PCDHA8: variants seen among roughly 807,000 people sequenced by gnomAD.
PCDHA8 encodes protocadherin alpha-8.
PCDHA8 carries 53 observed loss-of-function variants against 61.8 expected under a neutral mutation model. That is an observed-to-expected ratio of 0.86 (90% CI 0.69 to 1.08). The LOEUF (loss-of-function observed/expected upper bound fraction) is 1.08. PCDHA8 is among the 50% of genes least tolerant of loss of function. The pLI is 0.00. For missense variants in PCDHA8, 1,293 were observed against 1,245.0 expected (o/e 1.04, Z -0.58); for synonymous variants, 618 against 556.6 (o/e 1.11, Z -1.55).
Position 140,871,175 on chromosome 5 carries a change from C to T in PCDHA8, c.2394+27460C>T, listed in dbSNP as rs782460096. ...GCGGGCGCCGCGAGCCCAGAGGCTG[C>T]GCTGGTGGATGTCAACGTGTACCTG... is the stretch of plus-strand genomic sequence containing the variant. On this transcript the variant is annotated intron_variant, in intron 1 of 3. Transcript: ENST00000531613. 8 of 1,613,402 alleles carry T rather than the reference C, an allele frequency of 5.0e-6. No individual in the cohort carries two copies. In the African/African-American group the frequency reaches 5.3e-5, roughly 11 times the overall value.
chr5:140,928,623 A>G (rs1554206072), intron 1 of PCDHA8: 1 of 1,614,210 alleles, frequency 6.2e-7, no homozygotes, highest in African/African-American at 1.3e-5. Flanking sequence ...CCAGGACTGG[A>G]CACTTGGTCA....
intron 1 of PCDHA8, chr5:140,928,982 G>T: frequency 6.2e-7 from 1 of 1,613,824 alleles, no homozygotes; most frequent in Non-Finnish European, 8.5e-7. Flanking sequence ...TTATTTCTGG[G>T]GTGCTTACTT....
intron 1 of PCDHA8, chr5:140,849,857 G>T (rs2150454251): frequency 1.9e-6 from 3 of 1,598,510 alleles, no homozygotes; most frequent in African/African-American, 2.7e-5. Context: ...ACGCACCAGC[G>T]TTCGCGCAGT....
chr5:140,927,099 T>C (rs782352775), intron 1 of PCDHA8: 1 of 1,613,434 alleles, frequency 6.2e-7, no homozygotes, highest in Non-Finnish European at 8.5e-7. Context: ...TCGGGGTGGA[T>C]CTACCCAGCG....
rs782727100 is a variant in PCDHA8, at chr5:140,877,121, C to G, written c.2394+33406C>G. 12 of 1,613,694 alleles carry G rather than the reference C, an allele frequency of 7.4e-6. No homozygotes were observed. In the South Asian group the frequency reaches 8.8e-5, roughly 12 times the overall value. ...GTGCCGCCTCTGGGCAGCAACGTGA[C>G]GCTGCAGGTGTTCGTGCTGGACGAG... is the stretch of plus-strand genomic sequence containing the variant. On this transcript the variant is annotated intron_variant, in intron 1 of 3. Coordinates refer to ENST00000531613, the MANE Select transcript of PCDHA8 (RefSeq NM_018911.3).
chr5:140,934,925 A>G (rs2090105619), intron 1 of PCDHA8, among the ~76,000 whole-genome samples: 1 of 152,196 alleles, frequency 6.6e-6, no homozygotes, highest in African/African-American at 2.4e-5. Context: ...ATTCACATAA[A>G]GTTACAAAAC....
chr5:140,996,217 T>C (rs2097717491), intron 3 of PCDHA8, among the ~76,000 whole-genome samples: 1 of 152,192 alleles, frequency 6.6e-6, no homozygotes, highest in South Asian at 2.1e-4. Context: ...TCACTACTTG[T>C]CTAGAAATGG....
At chr5:140,850,745 C>G in intron 1 of PCDHA8, 1 of 1,597,954 alleles carries the variant, frequency 6.3e-7, no homozygotes, top group Non-Finnish European at 8.6e-7. Context: ...GTTGGTCGTA[C>G]TCGCAGCAGA....
At chr5:140,871,450 G>C (rs781785142) in intron 1 of PCDHA8, 1 of 1,608,836 alleles carries the variant, frequency 6.2e-7, no homozygotes, top group Non-Finnish European at 8.5e-7. Flanking sequence ...GAATAAAGAG[G>C]AGGAAGGGGA....
In PCDHA8 at chr5:140,996,798, A is replaced by G. The variant is rs528740592; in HGVS notation, c.2543-12829A>G. Among the ~76,000 whole-genome samples, 4 of 152,268 alleles carry G rather than the reference A, an allele frequency of 2.6e-5. No individual in the cohort carries two copies. In the East Asian group the frequency reaches 5.8e-4, roughly 22 times the overall value. ...AGTAGTGCCTCACTCCCTACATCCA[A>G]TCATGCTTTCCAAAAGTAACCACTA... On this transcript the variant is annotated intron_variant, in intron 3 of 3. Coordinates refer to ENST00000531613, the MANE Select transcript of PCDHA8 (RefSeq NM_018911.3).
chr5:140,905,980 G>A (rs2072263534), intron 1 of PCDHA8, among the ~76,000 whole-genome samples: 1 of 152,178 alleles, frequency 6.6e-6, no homozygotes, highest in Non-Finnish European at 1.5e-5. Context: ...CAGCATGGGA[G>A]AAAGATGTAG....
At chr5:140,883,202 G>T in intron 1 of PCDHA8, 1 of 1,613,916 alleles carries the variant, frequency 6.2e-7, no homozygotes, top group Non-Finnish European at 8.5e-7. Context: ...AGATTTCGAA[G>T]AAAAGAAATT....
At chr5:140,906,796 T>C (rs1021322398) in intron 1 of PCDHA8, among the ~76,000 whole-genome samples, 1 of 152,236 alleles carries the variant, frequency 6.6e-6, no homozygotes, top group African/African-American at 2.4e-5. Context: ...ATTCCATGCA[T>C]ACTCTTCCTT....
rs140457638 is a variant in PCDHA8, at chr5:140,883,730, G to T, written c.2394+40015G>T. On this transcript the variant is annotated intron_variant, in intron 1 of 3. Coordinates refer to ENST00000531613, the MANE Select transcript of PCDHA8 (RefSeq NM_018911.3). ...TCAGGACGCGGACGCACAGGAGAAC[G>T]CGCTGGTCTCCTACTCGCTGGTGGA... 4.3e-6 allele frequency: 7 copies of T among 1,613,530 alleles called. No homozygotes were observed. The East Asian group carries it at 1.6e-4, about 36-fold the overall frequency.
At position 140,915,626 on chromosome 5, in the gene PCDHA8, G is replaced by GTCTCTCTCTC. The variant is rs57920489; in HGVS notation, c.2395-63302_2395-63293dup. 2.5e-3 allele frequency among the ~76,000 whole-genome samples: 366 copies of GTCTCTCTCTC among 146,512 alleles called. 2 individuals carry two copies. Among genetic ancestry groups the GTCTCTCTCTC allele is most frequent in the South Asian group, 3.6e-3 (16 of 4,500 alleles). ...ACTTTCTGTCAAACAGTCTCTTTCT[G>GTCTCTCTCTC]TCTCTCTCTCTCTCTCTCTCTCTCT... On this transcript the variant is annotated intron_variant, in intron 1 of 3. Coordinates refer to ENST00000531613, the MANE Select transcript of PCDHA8 (RefSeq NM_018911.3).
chr5:140,994,275 T>C (rs1296337913), intron 3 of PCDHA8, among the ~76,000 whole-genome samples: 1 of 152,156 alleles, frequency 6.6e-6, no homozygotes, highest in African/African-American at 2.4e-5. Flanking sequence ...AGGCTGCCTT[T>C]CTTGAGACAG....
chr5:140,877,558 A>G (rs782179941), intron 1 of PCDHA8: 7 of 1,613,628 alleles, frequency 4.3e-6, no homozygotes, highest in Non-Finnish European at 5.9e-6. Flanking sequence ...TCTGGTGGAT[A>G]TTAACGTGTA....
chr5:140,851,070 T>C, intron 1 of PCDHA8: 1 of 1,351,546 alleles, frequency 7.4e-7, no homozygotes. Flanking sequence ...CTAGTGAGAA[T>C]TATAAACTGT....
rs782491268 is a variant in PCDHA8 at position 140,857,317 on chromosome 5, G to T, written c.2394+13602G>T. 1.5e-5 allele frequency: 24 copies of T among 1,598,644 alleles called. 2 individuals carry two copies. The highest frequency in any genetic ancestry group is 1.9e-5 in the Non-Finnish European group (22 of 1,168,052). ...AGAGGGTGTCGGCCTATGAGCTGGTGGTGACCGCGCGGGACGGGGGCTCGC... is the reference window on the plus strand; with the variant it reads ...AGAGGGTGTCGGCCTATGAGCTGGTTGTGACCGCGCGGGACGGGGGCTCGC... On this transcript the variant is annotated intron_variant, in intron 1 of 3. Transcript: ENST00000531613.
Sources: gnomAD v4.1 joint callset for allele counts (sites outside exome capture counted in the v4.1 genomes callset) on GRCh38, gnomAD v4.1.1 for gene constraint, MANE v1.5 for transcripts, NCBI Gene and HGNC (gene_info 2026-07-23, HGNC 2026-07-21) for gene names.